Variants in SUGCT observed in about 807,000 individuals in gnomAD.
SUGCT encodes the protein succinyl-CoA:glutarate CoA-transferase.
SUGCT carries 41 observed loss-of-function variants against 55.0 expected under a neutral mutation model. The ratio of observed to expected loss-of-function variants is 0.74; its 90% CI spans 0.58 to 0.97. The LOEUF (loss-of-function observed/expected upper bound fraction) is 0.97. Among genes scored for constraint, SUGCT ranks in the 50% least tolerant of loss-of-function variants. SUGCT has a pLI of 0.00. For missense variants in SUGCT, 568 were observed against 547.8 expected, an observed-to-expected ratio of 1.04 and a Z score of -0.37; for synonymous variants, 187 against 200.4, an observed-to-expected ratio of 0.93 and a Z score of 0.56.
chr7:40,465,866 C>T (rs1790077166), intron 11 of SUGCT, among the ~76,000 whole-genome samples: 1 of 151,866 alleles, frequency 6.6e-6, no homozygotes, highest in African/African-American at 2.4e-5. Flanking sequence ...GCTCTCTTCA[C>T]CTTTCAAAAA....
intron 9 of SUGCT, among the ~76,000 whole-genome samples, chr7:40,321,116 A>G (rs1165254062): frequency 1.5e-4 from 13 of 83,880 alleles, no homozygotes; most frequent in Middle Eastern, 0.011. Flanking sequence ...TCACTCTGTC[A>G]CCCAGGCTGG....
intron 13 of SUGCT, among the ~76,000 whole-genome samples, chr7:40,797,970 A>G (rs1013937505): frequency 8.5e-5 from 13 of 152,178 alleles, no homozygotes; most frequent in Non-Finnish European, 1.6e-4. Context: ...GCAGCTTTAT[A>G]CAGTTGCATG....
intron 12 of SUGCT, among the ~76,000 whole-genome samples, chr7:40,697,647 G>T (rs1365835520): frequency 1.3e-5 from 2 of 152,112 alleles, no homozygotes; most frequent in Admixed American, 1.3e-4. Context: ...CAAAAAAGTT[G>T]ATGGCTGAAT....
intron 13 of SUGCT, among the ~76,000 whole-genome samples, chr7:40,835,298 A>G (rs1792905411): frequency 6.6e-6 from 1 of 152,236 alleles, no homozygotes; most frequent in Non-Finnish European, 1.5e-5. Context: ...ACATAAAAGC[A>G]TAAGAACAAC....
At chr7:40,570,039 G>T (rs1237132820) in intron 12 of SUGCT, among the ~76,000 whole-genome samples, 1 of 152,156 alleles carries the variant, frequency 6.6e-6, no homozygotes, top group African/African-American at 2.4e-5. Context: ...TCAAAGAAAA[G>T]AAAATGAGGG....
chr7:40,667,952 A>G (rs1381049272), intron 12 of SUGCT, among the ~76,000 whole-genome samples: 1 of 152,200 alleles, frequency 6.6e-6, no homozygotes, highest in Non-Finnish European at 1.5e-5. Flanking sequence ...AAAGCAACTG[A>G]GAAAAAATTA....
At chr7:40,521,216 C>A (rs894415849) in intron 12 of SUGCT, among the ~76,000 whole-genome samples, 3 of 152,080 alleles carry the variant, frequency 2.0e-5, no homozygotes, top group African/African-American at 7.2e-5. Flanking sequence ...TTAGTGCCAT[C>A]CCCGTGTGAT....
chr7:40,896,952 C>G, the SUGCT span, among the ~76,000 whole-genome samples: 1 of 152,162 alleles, frequency 6.6e-6, no homozygotes, highest in African/African-American at 2.4e-5. Context: ...AACCTGATTT[C>G]AAGATACACT....
intron 12 of SUGCT, among the ~76,000 whole-genome samples, chr7:40,579,701 T>A (rs1347024979): frequency 6.6e-6 from 1 of 152,086 alleles, no homozygotes; most frequent in African/African-American, 2.4e-5. Context: ...AAAGCAGAAA[T>A]TTAAATGAAG....
chr7:40,746,437 A>T (rs1251758524), intron 12 of SUGCT, among the ~76,000 whole-genome samples: 2 of 152,320 alleles, frequency 1.3e-5, no homozygotes, highest in Admixed American at 1.3e-4. Context: ...GGAATACATC[A>T]GTTCCTTCTG....
At chr7:40,531,526 A>G (rs1365591537) in intron 12 of SUGCT, among the ~76,000 whole-genome samples, 1 of 151,970 alleles carries the variant, frequency 6.6e-6, no homozygotes, top group Non-Finnish European at 1.5e-5. Flanking sequence ...GAACAATGCT[A>G]CTCCAAAATT....
At chr7:40,523,248 TA>T (rs1793642054) in intron 12 of SUGCT, among the ~76,000 whole-genome samples, 1 of 152,118 alleles carries the variant, frequency 6.6e-6, no homozygotes, top group Non-Finnish European at 1.5e-5. Flanking sequence ...AAATGAATTT[TA>T]TCTAACATGC....
intron 13 of SUGCT, among the ~76,000 whole-genome samples, chr7:40,771,067 T>C (rs1051114398): frequency 3.3e-5 from 5 of 152,208 alleles, no homozygotes; most frequent in Admixed American, 6.5e-5. Context: ...ATTTCATGTA[T>C]ACAATATTTT....
intron 9 of SUGCT, among the ~76,000 whole-genome samples, chr7:40,385,433 A>G (rs1021511144): frequency 6.6e-6 from 1 of 152,198 alleles, no homozygotes; most frequent in African/African-American, 2.4e-5. Flanking sequence ...TACTTTAAGT[A>G]TAGTGCCTGG....
At chr7:40,820,439 G>A (rs930862019) in intron 13 of SUGCT, among the ~76,000 whole-genome samples, 36 of 151,880 alleles carry the variant, frequency 2.4e-4, no homozygotes, top group African/African-American at 3.6e-4. Context: ...CTTTTATTTC[G>A]TTGAGCAGTG....
intron 12 of SUGCT, among the ~76,000 whole-genome samples, chr7:40,629,059 T>C (rs912593913): frequency 2.0e-5 from 3 of 152,168 alleles, no homozygotes; most frequent in African/African-American, 4.8e-5. Context: ...CCTGCCAGAC[T>C]CTTAGGTTCC....
intron 12 of SUGCT, among the ~76,000 whole-genome samples, chr7:40,568,857 G>A (rs375904184): frequency 6.6e-6 from 1 of 152,202 alleles, no homozygotes; most frequent in Admixed American, 6.5e-5. Context: ...CAACATTGAA[G>A]CTAAGAGAGC....
intron 12 of SUGCT, among the ~76,000 whole-genome samples, chr7:40,565,995 A>ACACACATG (rs1796121833): frequency 2.2e-5 from 1 of 45,656 alleles, no homozygotes; most frequent in African/African-American, 3.7e-5. Flanking sequence ...ACACACACGC[A>ACACACATG]CACACACACA....
At chr7:40,379,274 C>T (rs1784752824) in intron 9 of SUGCT, among the ~76,000 whole-genome samples, 3 of 152,136 alleles carry the variant, frequency 2.0e-5, no homozygotes, top group African/African-American at 7.2e-5. Context: ...TGTTGTAAGC[C>T]ACCTAGTTAG....
Sources: allele counts gnomAD v4.1 joint callset (sites outside exome capture counted in the v4.1 genomes callset), GRCh38; gene constraint gnomAD v4.1.1; transcripts MANE v1.5; gene names NCBI Gene and HGNC (gene_info 2026-07-23, HGNC 2026-07-21).